The following STX8 variants were observed in gnomAD, a reference collection of about 807,000 sequenced individuals.
STX8 encodes the protein syntaxin-8.
Under a neutral mutation model 37.5 loss-of-function variants are expected in STX8, and 23 were observed. The ratio of observed to expected loss-of-function variants is 0.61; its 90% confidence interval spans 0.44 to 0.87. The LOEUF (loss-of-function observed/expected upper bound fraction) is 0.87, where lower values mean the gene tolerates loss of function less well. Among genes scored for constraint, STX8 ranks in the 40% least tolerant of loss-of-function variants. The pLI is 0.00. For synonymous variants in STX8, 115 were observed against 99.1 expected, an observed-to-expected ratio of 1.16 and a Z score of -0.95; for missense variants, 313 against 284.7, an observed-to-expected ratio of 1.10 and a Z score of -0.71.
chr17:9,520,315 T>A (rs1298016838), intron 4 of STX8, among the ~76,000 whole-genome samples: 1 of 152,240 alleles, frequency 6.6e-6, no homozygotes, highest in African/African-American at 2.4e-5. Context: ...TTTGAGCAGA[T>A]GGAGAGAATT....
At chr17:9,409,456 A>AT (rs1190438496) in intron 6 of STX8, among the ~76,000 whole-genome samples, 1 of 152,156 alleles carries the variant, frequency 6.6e-6, no homozygotes, top group Non-Finnish European at 1.5e-5. Context: ...TGAATCACGG[A>AT]TTTCCCTTTA....
chr17:9,348,618 T>C (rs1170680690), intron 7 of STX8, among the ~76,000 whole-genome samples: 1 of 152,196 alleles, frequency 6.6e-6, no homozygotes, highest in Non-Finnish European at 1.5e-5. Context: ...GGCAGTCATT[T>C]GTGCTAGTTG....
At chr17:9,291,309 G>C (rs1908304121) in intron 7 of STX8, among the ~76,000 whole-genome samples, 1 of 151,976 alleles carries the variant, frequency 6.6e-6, no homozygotes, top group African/African-American at 2.4e-5. Flanking sequence ...AGCTGGGTGT[G>C]GTGGTGGGTA....
chr17:9,270,364 C>T (rs1488176507), intron 7 of STX8, among the ~76,000 whole-genome samples: 3 of 152,190 alleles, frequency 2.0e-5, no homozygotes, highest in Non-Finnish European at 4.4e-5. Flanking sequence ...TCTCCTCCCT[C>T]AGCCTCCCAA....
chr17:9,476,053 C>G (rs1906090691), intron 6 of STX8, among the ~76,000 whole-genome samples: 1 of 152,208 alleles, frequency 6.6e-6, no homozygotes, highest in African/African-American at 2.4e-5. Context: ...GTGGCACATG[C>G]TTGTAATCCC....
chr17:9,527,563 G>T (rs940108768), intron 4 of STX8, among the ~76,000 whole-genome samples: 2 of 152,130 alleles, frequency 1.3e-5, no homozygotes, highest in African/African-American at 4.8e-5. Context: ...ATTCTCAAAT[G>T]ATTTTTTTAA....
intron 7 of STX8, among the ~76,000 whole-genome samples, chr17:9,309,276 G>A (rs115795541): frequency 8.7e-4 from 132 of 152,174 alleles, no homozygotes; most frequent in African/African-American, 3.0e-3. Context: ...TCAAATGCAC[G>A]GTACTTGTGA....
intron 5 of STX8, among the ~76,000 whole-genome samples, chr17:9,499,952 A>C (rs548761001): frequency 3.9e-5 from 6 of 152,352 alleles, no homozygotes; most frequent in African/African-American, 1.4e-4. Context: ...GACTGAAAAC[A>C]GCTTTTCTTG....
At chr17:9,441,058 G>A (rs774753191) in intron 6 of STX8, among the ~76,000 whole-genome samples, 1 of 152,076 alleles carries the variant, frequency 6.6e-6, no homozygotes, top group Non-Finnish European at 1.5e-5. Flanking sequence ...CCAAACTGGA[G>A]TTAACATTTC....
chr17:9,257,420 A>T (rs144811782), intron 7 of STX8, among the ~76,000 whole-genome samples: 5 of 152,206 alleles, frequency 3.3e-5, no homozygotes, highest in African/African-American at 1.2e-4. Flanking sequence ...CCCTGCCACA[A>T]GTTGGGTGTA....
intron 7 of STX8, among the ~76,000 whole-genome samples, chr17:9,361,882 T>C (rs1047651178): frequency 6.6e-6 from 1 of 152,252 alleles, no homozygotes; most frequent in Non-Finnish European, 1.5e-5. Flanking sequence ...TGTGATTAAC[T>C]GTGACTTTAA....
chr17:9,340,628 T>G (rs1040331396), intron 7 of STX8, among the ~76,000 whole-genome samples: 8 of 151,522 alleles, frequency 5.3e-5, no homozygotes, highest in Non-Finnish European at 1.0e-4. Flanking sequence ...ATATTGCTGT[T>G]TCTTATCAAT....
chr17:9,478,733 A>C (rs1296372103), intron 6 of STX8, among the ~76,000 whole-genome samples: 2 of 152,176 alleles, frequency 1.3e-5, no homozygotes, highest in Non-Finnish European at 2.9e-5. Flanking sequence ...TTCCAGCCAC[A>C]TTATACATTT....
chr17:9,370,308 CACTT>C (rs1321213562), intron 7 of STX8, among the ~76,000 whole-genome samples: 10 of 152,192 alleles, frequency 6.6e-5, no homozygotes, highest in Admixed American at 6.5e-4. Context: ...TAACTGTTCT[CACTT>C]AGTCTACAGA....
intron 6 of STX8, among the ~76,000 whole-genome samples, chr17:9,457,476 C>G (rs1473448163): frequency 6.6e-6 from 1 of 152,260 alleles, no homozygotes; most frequent in Non-Finnish European, 1.5e-5. Flanking sequence ...GGTGGTTACA[C>G]TGGGCCCATC....
At chr17:9,558,570 T>C (rs966755101) in intron 2 of STX8, among the ~76,000 whole-genome samples, 5 of 151,880 alleles carry the variant, frequency 3.3e-5, no homozygotes, top group Non-Finnish European at 2.9e-5. Context: ...GCGCGGTGGC[T>C]CACGCCTGTA....
intron 7 of STX8, among the ~76,000 whole-genome samples, chr17:9,309,354 G>A (rs1034462942): frequency 6.6e-6 from 1 of 152,130 alleles, no homozygotes; most frequent in African/African-American, 2.4e-5. Context: ...ATTAGCTCAG[G>A]CTGCTACAAT....
intron 6 of STX8, chr17:9,467,309 C>G (rs1905658598): frequency 6.6e-6 from 1 of 152,152 alleles, no homozygotes; most frequent in Non-Finnish European, 1.5e-5. Context: ...TTTGCCAAAT[C>G]CTAGAGGCTT....
In STX8 at chr17:9,568,411, T is replaced by C. The variant is rs372887064; in HGVS notation, c.77A>G (p.Gln26Arg). 7.4e-6 allele frequency: 12 copies of C among 1,612,588 alleles called. No individual in the cohort carries two copies. Among genetic ancestry groups the C allele is most frequent in the Non-Finnish European group, 1.0e-5 (12 of 1,179,876 alleles). The change falls in exon 2 of 8, where the codon CAA (glutamine) becomes CGA (arginine). Residue 26 changes from glutamine to arginine, a missense_variant. Coordinates refer to ENST00000306357, the MANE Select transcript of STX8 (RefSeq NM_004853.3). ...ACCTTTTCTTTCATATTGATTTCGT[T>C]GTTGAATTTTCTCAGCAATTTCTTG... ...IAQEIAEKIQ[Q>R]RNQYERKGEK...
Sources: gnomAD v4.1 joint callset for allele counts (sites outside exome capture counted in the v4.1 genomes callset) on GRCh38, gnomAD v4.1.1 for gene constraint, MANE v1.5 for transcripts, NCBI Gene and HGNC (gene_info 2026-07-23, HGNC 2026-07-21) for gene names.